MYCL: variants seen among roughly 807,000 people sequenced by gnomAD.
The protein encoded by MYCL is protein L-Myc.
MYCL carries 11 observed loss-of-function variants against 31.0 expected under a neutral mutation model. That is an observed-to-expected ratio of 0.35 (90% CI 0.22 to 0.59). The LOEUF (loss-of-function observed/expected upper bound fraction) is 0.59, where lower values mean the gene tolerates loss of function less well. Among genes scored for constraint, MYCL ranks in the 20% least tolerant of loss-of-function variants. The pLI is 0.79. For missense variants in MYCL, 427 were observed against 486.1 expected, an observed-to-expected ratio of 0.88 and a Z score of 1.14; for synonymous variants, 208 against 202.4, an observed-to-expected ratio of 1.03 and a Z score of -0.23.
rs1263647719 is a variant in MYCL, at chr1:39,901,521, C to G, written c.-87G>C. The G allele has an allele frequency of 6.6e-7, 1 of 1,524,376 alleles. No homozygotes were observed. Among genetic ancestry groups the G allele is most frequent in the Non-Finnish European group, 8.7e-7 (1 of 1,148,340 alleles). The allele number at this position is 1,524,376 out of a possible 1,614,324, so 94.4% of individuals were successfully genotyped here. A position where few individuals can be genotyped will look rare whatever the true frequency, so the allele number is the denominator to read the frequency against. ...GTGTCCCCGGGTCCCTCGGCACAGTCGGCTGCCGGGCTCTCGTTCCTCCCC... is the reference window on the plus strand; with the variant it reads ...GTGTCCCCGGGTCCCTCGGCACAGTGGGCTGCCGGGCTCTCGTTCCTCCCC... On this transcript the variant is annotated 5_prime_UTR_variant, in exon 1 of 2. Coordinates refer to ENST00000372816, the MANE Select transcript of MYCL (RefSeq NM_001033081.3). The surrounding 1 kb of genome is among the most constrained non-coding windows in gnomAD (Gnocchi z 6.9).
rs1377429875 is a variant in MYCL at position 39,897,740 on chromosome 1, C to A, written c.727G>T (p.Ala243Ser). 1.9e-6 allele frequency: 3 copies of A among 1,614,188 alleles called. No homozygotes were observed. The highest frequency in any genetic ancestry group is 2.5e-6 in the Non-Finnish European group (3 of 1,180,038). The change falls in exon 2 of 2, where the codon GCA becomes TCA. Residue 243 changes from alanine to serine, a missense_variant. Coordinates refer to ENST00000372816, the MANE Select transcript of MYCL (RefSeq NM_001033081.3). The surrounding 1 kb of genome is among the most constrained non-coding windows in gnomAD (Gnocchi z 4.3). The stretch of plus-strand genomic sequence containing the variant: ...TCCTCCTCATCTTCCTTTTCCCCTG[C>A]AGCATCTCTCTCCAGAACCTCTTCT... Reference protein sequence around the residue: ...PQEEVLERDAAGEKEDEEDEE... With the variant: ...PQEEVLERDASGEKEDEEDEE...
chr1:39,897,699 A>C lies in MYCL; in HGVS notation c.768T>G (p.Ser256Arg), dbSNP rs1557605423. 2 of 1,614,120 alleles carry C rather than the reference A, an allele frequency of 1.2e-6. No homozygotes were observed. The highest frequency in any genetic ancestry group is 1.7e-6 in the Non-Finnish European group (2 of 1,180,022). ...CAGCCTCACTTTCTACAGGTGGGGG[A>C]CTCACAATCTCTTCATCCTCCTCAT... ...KEDEEDEEIV[S>R]PPPVESEAAQ... is the part of the protein sequence containing the mutation. Residue 256 changes from serine (S) to arginine (R), a missense_variant, in exon 2 of 2, where the codon AGT (serine) becomes AGG (arginine). Coordinates refer to ENST00000372816, the MANE Select transcript of MYCL (RefSeq NM_001033081.3). The surrounding 1 kb of genome is among the most constrained non-coding windows in gnomAD (Gnocchi z 4.3).
At chr1:39,899,412 CAG>C (rs1644513560) in intron 1 of MYCL, among the ~76,000 whole-genome samples, 1 of 152,240 alleles carries the variant, frequency 6.6e-6, no homozygotes. Flanking sequence ...TTCTCCCTTT[CAG>C]AGAGTAGTGT....
chr1:39,899,005 C>A (rs1163399210), intron 1 of MYCL: 1 of 985,332 alleles, frequency 1.0e-6, no homozygotes. Flanking sequence ...TATCAGGAAG[C>A]TTGAGCCCCT....
In MYCL at chr1:39,897,107, G is replaced by A. The variant is rs980591938; in HGVS notation, c.*265C>T. 6.4e-6 allele frequency: 3 copies of A among 468,706 alleles called. No homozygotes were observed. The highest frequency in any genetic ancestry group is 1.1e-5 in the Non-Finnish European group (3 of 263,576). 29.0% of individuals were successfully genotyped at this position (468,706 alleles called of 1,614,324 possible). A position where few individuals can be genotyped will look rare whatever the true frequency, so the allele number is the denominator to read the frequency against. On this transcript the variant is annotated 3_prime_UTR_variant, in exon 2 of 2. Coordinates refer to ENST00000372816, the MANE Select transcript of MYCL (RefSeq NM_001033081.3). This position sits in a 1 kb window ranked among gnomAD's most constrained non-coding sequence, Gnocchi z 4.3. ...GCTAGTGAGCTAGGCAGACCCCAAG[G>A]CTCCTCAGTCAGCTGCCTGCTGGGA... is the stretch of plus-strand genomic sequence containing the variant.
Position 39,895,703 on chromosome 1 carries a change from A to G in MYCL, c.*1669T>C, listed in dbSNP as rs1469175926. On this transcript the variant is annotated 3_prime_UTR_variant, in exon 2 of 2. Coordinates refer to ENST00000372816, the MANE Select transcript of MYCL (RefSeq NM_001033081.3). Reference sequence around the variant, plus strand: ...ATAAAACACAAGCTATTCAGTTGAGACATCAGTAACCTACACCCAAACTGT... The same window carrying G: ...ATAAAACACAAGCTATTCAGTTGAGGCATCAGTAACCTACACCCAAACTGT... 2 of 227,954 alleles carry G rather than the reference A, an allele frequency of 8.8e-6. No individual in the cohort carries two copies. Among genetic ancestry groups the G allele is most frequent in the Non-Finnish European group, 1.7e-5 (2 of 114,792 alleles). 14.1% of individuals were successfully genotyped at this position (227,954 alleles called of 1,614,324 possible). A position where few individuals can be genotyped will look rare whatever the true frequency, so the allele number is the denominator to read the frequency against.
intron 1 of MYCL, chr1:39,899,562 T>C (rs918439671): frequency 1.0e-6 from 1 of 952,842 alleles, no homozygotes. Flanking sequence ...CAAACTAAAA[T>C]GTCCAACTTC....
rs948123660 is a variant in MYCL at position 39,896,563 on chromosome 1, G to A, written c.*809C>T. ...CCCAGGCTAGGACCGATTTCCCTGT[G>A]TCTTGGGGAAATATTTCTGACCTGT... On this transcript the variant is annotated 3_prime_UTR_variant, in exon 2 of 2. Coordinates refer to ENST00000372816, the MANE Select transcript of MYCL (RefSeq NM_001033081.3). 3 of 212,858 alleles carry A rather than the reference G, an allele frequency of 1.4e-5. No individual in the cohort carries two copies. Among genetic ancestry groups the A allele is most frequent in the Non-Finnish European group, 1.9e-5 (2 of 104,898 alleles). The allele number at this position is 212,858 out of a possible 1,614,324, so 13.2% of individuals were successfully genotyped here.
At position 39,897,683 on chromosome 1, in the gene MYCL, T is replaced by C; in HGVS notation, c.784A>G (p.Ser262Gly). The part of the protein sequence containing the change: ...EEIVSPPPVE[S>G]EAAQSCHPKP... ...GGGTGGCAGGACTGGGCAGCCTCACTTTCTACAGGTGGGGGACTCACAATC... is the reference window on the plus strand; with the variant it reads ...GGGTGGCAGGACTGGGCAGCCTCACCTTCTACAGGTGGGGGACTCACAATC... The change falls in exon 2 of 2, where the codon AGT (serine) becomes GGT (glycine). Residue 262 changes from serine to glycine, a missense_variant. Physicochemically the swap from Ser to Gly is moderately conservative, Grantham distance 56. Transcript: ENST00000372816. This position sits in a 1 kb window ranked among gnomAD's most constrained non-coding sequence, Gnocchi z 4.3. 4.3e-6 allele frequency: 7 copies of C among 1,614,196 alleles called. No individual in the cohort carries two copies. Among genetic ancestry groups the C allele is most frequent in the Non-Finnish European group, 5.9e-6 (7 of 1,180,040 alleles).
intron 1 of MYCL, chr1:39,899,026 G>C: frequency 1.0e-6 from 1 of 985,458 alleles, no homozygotes; most frequent in Non-Finnish European, 1.2e-6. Flanking sequence ...TTGTCAGGAA[G>C]GCTTCCATTG....
chr1:39,900,323 AC>A (rs1644523742), intron 1 of MYCL: 3 of 985,490 alleles, frequency 3.0e-6, no homozygotes, highest in Non-Finnish European at 3.6e-6. Context: ...GCTGGAGCTG[AC>A]TTGTAGTGAT....
In MYCL at chr1:39,901,789, TG is replaced by T; in HGVS notation, c.-356del. 1.6e-6 allele frequency: 2 copies of T among 1,272,038 alleles called. No homozygotes were observed. Among genetic ancestry groups the T allele is most frequent in the South Asian group, 3.7e-5 (2 of 54,096 alleles). The allele number at this position is 1,272,038 out of a possible 1,614,324, so 78.8% of individuals were successfully genotyped here. The stretch of plus-strand genomic sequence containing the variant: ...CACCGCGGGACCCGCGCCCGTGCCC[TG>T]GCCACCCGCAGCCTCACCTCGCTCC... On this transcript the variant is annotated 5_prime_UTR_variant, in exon 1 of 2. The change creates a premature stop within an existing upstream ORF in the 5' untranslated region. Transcript: ENST00000372816. The surrounding 1 kb of genome is among the most constrained non-coding windows in gnomAD (Gnocchi z 6.9).
Position 39,897,272 on chromosome 1 carries a change from T to C in MYCL, c.*100A>G, listed in dbSNP as rs1483072894. On this transcript the variant is annotated 3_prime_UTR_variant, in exon 2 of 2. Transcript: ENST00000372816. The surrounding 1 kb of genome is among the most constrained non-coding windows in gnomAD (Gnocchi z 4.3). The stretch of plus-strand genomic sequence containing the variant: ...ATTCTGGGATCTACTGTCCAGACTG[T>C]CCCACCATAACCAAAATGTGCAAAT... The C allele has an allele frequency of 3.8e-6, 4 of 1,064,926 alleles. No homozygotes were observed. The highest frequency in any genetic ancestry group is 5.5e-6 in the Non-Finnish European group (4 of 730,594). The allele number at this position is 1,064,926 out of a possible 1,614,324, so 66.0% of individuals were successfully genotyped here.
At chr1:39,900,727 G>A in intron 1 of MYCL, 2 of 1,400,806 alleles carry the variant, frequency 1.4e-6, no homozygotes, top group Non-Finnish European at 9.3e-7. Context: ...TCATCAAAGG[G>A]AGGCTGGCTC....
intron 1 of MYCL, chr1:39,899,147 C>G (rs1390400347): frequency 2.2e-6 from 2 of 910,844 alleles, no homozygotes; most frequent in Non-Finnish European, 1.3e-6. Flanking sequence ...TCTTACCCAG[C>G]CCCTAGCCCC....
Position 39,897,340 on chromosome 1 carries a change from C to T in MYCL, c.*32G>A, listed in dbSNP as rs756972202. 13 of 1,537,622 alleles carry T rather than the reference C, an allele frequency of 8.5e-6. No individual in the cohort carries two copies. The highest frequency in any genetic ancestry group is 8.3e-5 in the African/African-American group (6 of 72,412). On this transcript the variant is annotated 3_prime_UTR_variant, in exon 2 of 2. Coordinates refer to ENST00000372816, the MANE Select transcript of MYCL (RefSeq NM_001033081.3). The surrounding 1 kb of genome is among the most constrained non-coding windows in gnomAD (Gnocchi z 4.3). Reference sequence around the variant, plus strand: ...AGGTTAAAAAATAAACTTGTGTCTTCGTAAGACAGAACTGTCAGGCTTTTT... The same window carrying T: ...AGGTTAAAAAATAAACTTGTGTCTTTGTAAGACAGAACTGTCAGGCTTTTT...
Position 39,897,224 on chromosome 1 carries a change from T to G in MYCL, c.*148A>C. 1.4e-6 allele frequency: 1 copy of G among 733,224 alleles called. No individual in the cohort carries two copies. The highest frequency in any genetic ancestry group is 2.3e-6 in the Non-Finnish European group (1 of 435,430). The allele number at this position is 733,224 out of a possible 1,614,324, so 45.4% of individuals were successfully genotyped here. ...GGTTTCCAAGAATGCAAGCCTTTAT[T>G]GTGTGTGCACCGGCTGCAATGCATT... On this transcript the variant is annotated 3_prime_UTR_variant, in exon 2 of 2. Transcript: ENST00000372816. The surrounding 1 kb of genome is among the most constrained non-coding windows in gnomAD (Gnocchi z 4.3).
rs1334492695 is a variant in MYCL, at chr1:39,901,840, C to A, written c.-406G>T. On this transcript the variant is annotated 5_prime_UTR_variant, in exon 1 of 2. Transcript: ENST00000372816. This position sits in a 1 kb window ranked among gnomAD's most constrained non-coding sequence, Gnocchi z 6.9. ...CAGCCGCCCGCCACCTGGAGCGGACCGGCTCCCCGCCGGCTCGGGGCAGCC... is the reference window on the plus strand; with the variant it reads ...CAGCCGCCCGCCACCTGGAGCGGACAGGCTCCCCGCCGGCTCGGGGCAGCC... 3 of 1,261,976 alleles carry A rather than the reference C, an allele frequency of 2.4e-6. No individual in the cohort carries two copies. The highest frequency in any genetic ancestry group is 1.9e-5 in the South Asian group (1 of 52,478). The allele number at this position is 1,261,976 out of a possible 1,614,324, so 78.2% of individuals were successfully genotyped here.
At chr1:39,900,299 C>G (rs1475463726) in intron 1 of MYCL, 4 of 985,522 alleles carry the variant, frequency 4.1e-6, no homozygotes, top group Non-Finnish European at 3.6e-6. Flanking sequence ...GAGGGGCTGG[C>G]TAGATGGCAG....
Sources: allele counts gnomAD v4.1 joint callset (sites outside exome capture counted in the v4.1 genomes callset), GRCh38; gene constraint gnomAD v4.1.1; non-coding constraint Gnocchi (gnomAD v3.1); transcripts MANE v1.5; gene names NCBI Gene and HGNC (gene_info 2026-07-23, HGNC 2026-07-21).